The following EVI5 variants were observed in gnomAD, a reference collection of about 807,000 sequenced individuals.
EVI5 encodes ecotropic viral integration site 5.
EVI5 carries 73 observed loss-of-function variants against 112.0 expected under a neutral mutation model. The ratio of observed to expected loss-of-function variants is 0.65; its 90% confidence interval spans 0.54 to 0.79. The LOEUF is 0.79. Among genes scored for constraint, EVI5 ranks in the 30% least tolerant of loss-of-function variants. The pLI is 0.00. For synonymous variants in EVI5, 305 were observed against 319.9 expected, an observed-to-expected ratio of 0.95 and a Z score of 0.50; for missense variants, 900 against 968.8, an observed-to-expected ratio of 0.93 and a Z score of 0.94.
At chr1:92,719,711 A>G (rs1380575816) in intron 2 of EVI5, among the ~76,000 whole-genome samples, 1 of 152,028 alleles carries the variant, frequency 6.6e-6, no homozygotes, top group Non-Finnish European at 1.5e-5. Context: ...ATCAGGCAAG[A>G]GAAAGAAATA....
At chr1:92,739,436 G>A (rs1678003635) in intron 1 of EVI5, among the ~76,000 whole-genome samples, 2 of 152,042 alleles carry the variant, frequency 1.3e-5, no homozygotes, top group South Asian at 4.2e-4. Flanking sequence ...TCCAGGGCCT[G>A]GGAAAAGGGA....
chr1:92,533,542 T>C (rs1456696355), intron 19 of EVI5, among the ~76,000 whole-genome samples: 1 of 152,140 alleles, frequency 6.6e-6, no homozygotes, highest in African/African-American at 2.4e-5. Context: ...AATAAAATAC[T>C]GGCAAACCGA....
At chr1:92,645,043 T>C (rs12143685) in intron 13 of EVI5, among the ~76,000 whole-genome samples, 1,925 of 152,302 alleles carry the variant, frequency 0.013, 19 homozygotes, top group Middle Eastern at 0.048. Flanking sequence ...ATAGTACTGT[T>C]CAGGTCTTCT....
chr1:92,659,478 TAACA>T (rs1476843461), intron 13 of EVI5, among the ~76,000 whole-genome samples: 3 of 151,776 alleles, frequency 2.0e-5, no homozygotes, highest in South Asian at 2.1e-4. Context: ...TACAAATGGC[TAACA>T]AACATATGAA....
intron 1 of EVI5, among the ~76,000 whole-genome samples, chr1:92,752,964 TCAGA>T (rs1213800199): frequency 6.6e-6 from 1 of 151,836 alleles, no homozygotes; most frequent in African/African-American, 2.4e-5. Context: ...AGTTAAGAAG[TCAGA>T]CAAATAGTGA....
chr1:92,623,185 T>C (rs1654949984), intron 16 of EVI5, among the ~76,000 whole-genome samples: 1 of 152,246 alleles, frequency 6.6e-6, no homozygotes. Flanking sequence ...ATAGTACCTC[T>C]TCCTATTTTA....
chr1:92,649,794 G>C (rs1409247814), intron 13 of EVI5, among the ~76,000 whole-genome samples: 1 of 152,180 alleles, frequency 6.6e-6, no homozygotes, highest in Non-Finnish European at 1.5e-5. Context: ...CCTGGCGACA[G>C]AGAAAGACCC....
intron 2 of EVI5, among the ~76,000 whole-genome samples, chr1:92,730,198 C>A (rs554486563): frequency 6.6e-6 from 1 of 151,886 alleles, no homozygotes; most frequent in South Asian, 2.1e-4. Flanking sequence ...AACCCCATCT[C>A]TACAAAAAAG....
intron 2 of EVI5, among the ~76,000 whole-genome samples, chr1:92,735,501 TAA>T (rs986860059): frequency 2.0e-5 from 3 of 151,302 alleles, no homozygotes; most frequent in African/African-American, 7.3e-5. Context: ...AAAAACCTGT[TAA>T]AAGTTATTTT....
chr1:92,553,893 A>C (rs1667333465), intron 19 of EVI5, among the ~76,000 whole-genome samples: 1 of 152,260 alleles, frequency 6.6e-6, no homozygotes, highest in African/African-American at 2.4e-5. Context: ...CAAACTCTTC[A>C]AACAGAATGC....
intron 18 of EVI5, among the ~76,000 whole-genome samples, chr1:92,590,981 T>A (rs1673759110): frequency 6.6e-6 from 1 of 152,162 alleles, no homozygotes; most frequent in Admixed American, 6.6e-5. Flanking sequence ...AGAAAAGAAT[T>A]TTCAACCCAG....
intron 1 of EVI5, among the ~76,000 whole-genome samples, chr1:92,741,432 G>A (rs1678386186): frequency 6.6e-6 from 1 of 152,142 alleles, no homozygotes; most frequent in South Asian, 2.1e-4. Context: ...CTACCACAAT[G>A]ACCTTTATTT....
intron 1 of EVI5, among the ~76,000 whole-genome samples, chr1:92,777,161 C>T (rs1684254721): frequency 6.6e-6 from 1 of 152,136 alleles, no homozygotes; most frequent in Non-Finnish European, 1.5e-5. Context: ...TGGTCTTAAA[C>T]TCCTGACCTC....
intron 1 of EVI5, among the ~76,000 whole-genome samples, chr1:92,783,065 C>T (rs1413768959): frequency 6.6e-6 from 1 of 152,118 alleles, no homozygotes; most frequent in Non-Finnish European, 1.5e-5. Context: ...AAGTGATCCA[C>T]CTGCCTCTGC....
At chr1:92,554,691 G>C (rs1185453896) in intron 19 of EVI5, among the ~76,000 whole-genome samples, 3 of 152,130 alleles carry the variant, frequency 2.0e-5, no homozygotes, top group Non-Finnish European at 2.9e-5. Context: ...AGTTTTTGCT[G>C]GGCACAGTAG....
intron 18 of EVI5, among the ~76,000 whole-genome samples, chr1:92,583,151 T>A (rs973326541): frequency 1.6e-4 from 24 of 152,136 alleles, no homozygotes; most frequent in African/African-American, 5.8e-4. Flanking sequence ...TTCCAGAGTA[T>A]AAATATACTA....
At chr1:92,722,035 T>C (rs1441718849) in intron 2 of EVI5, among the ~76,000 whole-genome samples, 8 of 53,442 alleles carry the variant, frequency 1.5e-4, no homozygotes, top group Non-Finnish European at 3.5e-5. Flanking sequence ...CCCAACTTCA[T>C]GTCCCACTAT....
intron 11 of EVI5, among the ~76,000 whole-genome samples, chr1:92,663,731 T>C (rs1175562408): frequency 1.3e-5 from 2 of 152,086 alleles, no homozygotes; most frequent in Admixed American, 1.3e-4. Flanking sequence ...GCAAATTTTT[T>C]TGTTTGTTTG....
chr1:92,715,138 T>C (rs778976919), intron 2 of EVI5, among the ~76,000 whole-genome samples: 1 of 152,130 alleles, frequency 6.6e-6, no homozygotes, highest in Non-Finnish European at 1.5e-5. Context: ...TCCAAGTAGC[T>C]GGGACTACAG....
Sources: allele counts gnomAD v4.1 joint callset (sites outside exome capture counted in the v4.1 genomes callset), GRCh38; gene constraint gnomAD v4.1.1; transcripts MANE v1.5; gene names NCBI Gene and HGNC (gene_info 2026-07-23, HGNC 2026-07-21).